Variants in KCNK17 observed in about 807,000 individuals in gnomAD.
KCNK17 encodes the protein potassium channel subfamily K member 17.
KCNK17 carries 27 observed loss-of-function variants against 24.6 expected under a neutral mutation model. The observed-to-expected ratio is 1.10, with a 90% CI of 0.81 to 1.51. The LOEUF is 1.51. Among genes scored for constraint, KCNK17 ranks in the 40% most tolerant of loss-of-function variants. The pLI, the probability that KCNK17 is intolerant of heterozygous loss-of-function variation, is 0.00. For missense variants in KCNK17, 450 were observed against 436.6 expected (o/e 1.03, Z -0.27); for synonymous variants, 181 against 189.8 (o/e 0.95, Z 0.38).
chr6:39,305,450 G>A (rs1260747361), intron 2 of KCNK17, among the ~76,000 whole-genome samples: 1 of 152,120 alleles, frequency 6.6e-6, no homozygotes, highest in African/African-American at 2.4e-5. Context: ...TGGGAGGGAG[G>A]GACAGACAGT....
In KCNK17 at chr6:39,310,944, A is replaced by C. The variant is rs1392584872; in HGVS notation, c.301T>G (p.Trp101Gly). 1 of 1,574,278 alleles carries C rather than the reference A, an allele frequency of 6.4e-7. No homozygotes were observed. The highest frequency in any genetic ancestry group is 8.7e-7 in the Non-Finnish European group (1 of 1,156,010). The change falls in exon 2 of 5, where the codon TGG becomes GGG. Residue 101 changes from tryptophan (W) to glycine (G), a missense_variant. By Grantham distance (184) the Trp-to-Gly change is radical. Transcript: ENST00000373231. ...LLSNTTSMGR[W>G]ELVGSFFFSV... ...AAGAAGAAGGAGCCCACGAGCTCCC[A>C]GCGCCCCATGCTGGTGGTGTTGCTG...
intron 4 of KCNK17, among the ~76,000 whole-genome samples, chr6:39,300,798 C>A (rs2815071): frequency 0.82 from 124,843 of 152,020 alleles, 51,642 homozygotes; most frequent in African/African-American, 0.91. Flanking sequence ...GGCCTCTCGG[C>A]TCCAAATGCT....
rs2113845101 is a variant in KCNK17, at chr6:39,314,402, C to T, written c.-82G>A. ...GAAGGGCCAGGCGTCCAGCTCGTAT[C>T]TCCTCTCGCAAACGCCTGCTGGTGC... is the stretch of plus-strand genomic sequence containing the variant. On this transcript the variant is annotated 5_prime_UTR_variant, in exon 1 of 5. Coordinates refer to ENST00000373231, the MANE Select transcript of KCNK17 (RefSeq NM_031460.4). 1.9e-6 allele frequency: 2 copies of T among 1,041,982 alleles called. No individual in the cohort carries two copies. The highest frequency in any genetic ancestry group is 2.6e-6 in the Non-Finnish European group (2 of 762,442). The allele number at this position is 1,041,982 out of a possible 1,614,324, so 64.5% of individuals were successfully genotyped here.
rs183224501 is a variant in KCNK17 at position 39,306,751 on chromosome 6, G to A, written c.353-2096C>T. 1.1e-3 allele frequency among the ~76,000 whole-genome samples: 161 copies of A among 149,434 alleles called. 1 individual carries two copies. Among genetic ancestry groups the A allele is most frequent in the Admixed American group, 8.9e-3 (133 of 14,950 alleles). On this transcript the variant is annotated intron_variant, in intron 2 of 4. Transcript: ENST00000373231. ...CTGTGGGACCTTGGGCAAGTGGCTC[G>A]ATCTTTCTTTCTTTGTTTTTTTTTT...
At chr6:39,304,200 G>A in intron 3 of KCNK17, 69 bp from the exon 4 acceptor site, 1 of 1,482,688 alleles carries the variant, frequency 6.7e-7, no homozygotes, top group Non-Finnish European at 9.1e-7. Context: ...GAGGGAGCTG[G>A]AGGCAGGCCA....
rs57240761 is a variant in KCNK17, at chr6:39,302,116, G to A, written c.688+1841C>T. On this transcript the variant is annotated intron_variant, in intron 4 of 4. Transcript: ENST00000373231. ...TGAAGCAGTTGGGGCTCTTATTGTGGTGACCTGCTACGAGGCACTGCCATG... is the reference window on the plus strand; with the variant it reads ...TGAAGCAGTTGGGGCTCTTATTGTGATGACCTGCTACGAGGCACTGCCATG... Among the ~76,000 whole-genome samples the A allele has an allele frequency of 3.8e-4, 58 of 152,306 alleles. No homozygotes were observed. In the East Asian group the frequency reaches 0.011, roughly 28 times the overall value.
At position 39,299,454 on chromosome 6, in the gene KCNK17, G is replaced by GT. The variant is rs1761910812; in HGVS notation, c.971dup (p.His324GlnfsTer53). 4.3e-6 allele frequency: 7 copies of GT among 1,613,602 alleles called. No homozygotes were observed. The highest frequency in any genetic ancestry group is 5.9e-6 in the Non-Finnish European group (7 of 1,179,642). On this transcript the variant is annotated frameshift_variant, in exon 5 of 5. Transcript: ENST00000373231. LOFTEE classifies it high-confidence loss of function. ...AGCTGTCCTTGCCACAGCCTGCAGC[G>GT]TGAGCAGAAGGTTCCAGATGCTGTA...
At chr6:39,309,929 G>C (rs913611882) in intron 2 of KCNK17, among the ~76,000 whole-genome samples, 2 of 152,196 alleles carry the variant, frequency 1.3e-5, no homozygotes, top group African/African-American at 4.8e-5. Context: ...GATTGCCCAA[G>C]CTCCCATGTA....
chr6:39,314,409 C>T lies in KCNK17; in HGVS notation c.-89G>A, dbSNP rs146171979. On this transcript the variant is annotated 5_prime_UTR_variant, in exon 1 of 5. Coordinates refer to ENST00000373231, the MANE Select transcript of KCNK17 (RefSeq NM_031460.4). ...CAGGCGTCCAGCTCGTATCTCCTCTCGCAAACGCCTGCTGGTGCCCGGTTT... is the reference window on the plus strand; with the variant it reads ...CAGGCGTCCAGCTCGTATCTCCTCTTGCAAACGCCTGCTGGTGCCCGGTTT... 2.4e-4 allele frequency: 232 copies of T among 953,396 alleles called. 3 individuals carry two copies. In the African/African-American group the frequency reaches 3.7e-3, roughly 15 times the overall value. 59.1% of individuals were successfully genotyped at this position (953,396 alleles called of 1,614,324 possible). A position where few individuals can be genotyped will look rare whatever the true frequency, so the allele number is the denominator to read the frequency against.
At chr6:39,313,196 G>T (rs1332333586) in intron 1 of KCNK17, among the ~76,000 whole-genome samples, 1 of 152,218 alleles carries the variant, frequency 6.6e-6, no homozygotes, top group Non-Finnish European at 1.5e-5. Context: ...CGTCGCTTCA[G>T]TCCTAAGATG....
chr6:39,303,655 G>A (rs1467302399), intron 4 of KCNK17, among the ~76,000 whole-genome samples: 1 of 152,170 alleles, frequency 6.6e-6, no homozygotes, highest in Non-Finnish European at 1.5e-5. Flanking sequence ...GTGAAGTGGG[G>A]AAGGGAGACC....
intron 2 of KCNK17, among the ~76,000 whole-genome samples, chr6:39,310,211 G>A (rs190158537): frequency 2.0e-4 from 30 of 152,268 alleles, no homozygotes; most frequent in African/African-American, 6.7e-4. Flanking sequence ...AGAACTGCAG[G>A]GATCTAGCCT....
At position 39,304,599 on chromosome 6, in the gene KCNK17, C is replaced by A. The variant is rs1762004702; in HGVS notation, c.409G>T (p.Ala137Ser). 6.2e-7 allele frequency: 1 copy of A among 1,613,916 alleles called. No individual in the cohort carries two copies. The highest frequency in any genetic ancestry group is 8.5e-7 in the Non-Finnish European group (1 of 1,179,940). ...MAARLFCIFF[A>S]LVGIPLNLVV... ...AGGTTGAGTGGGATCCCCACAAGGG[C>A]AAAGAAGATGCAGAAGAGGCGGGCA... Residue 137 changes from alanine to serine, a missense_variant, in exon 3 of 5, where the codon GCC becomes TCC. Transcript: ENST00000373231.
In KCNK17 at chr6:39,310,963, G is replaced by T; in HGVS notation, c.282C>A (p.Asn94Lys). Residue 94 changes from asparagine to lysine, a missense_variant, in exon 2 of 5, where the codon AAC becomes AAA. Transcript: ENST00000373231. ...AYKNGASLLS[N>K]TTSMGRWELV... ...GCTCCCAGCGCCCCATGCTGGTGGT[G>T]TTGCTGAGGAGGCTGGCTCCGTTTT... The T allele has an allele frequency of 3.1e-6, 5 of 1,609,768 alleles. No homozygotes were observed. Among genetic ancestry groups the T allele is most frequent in the Non-Finnish European group, 4.2e-6 (5 of 1,176,814 alleles).
chr6:39,300,405 T>C (rs2113833561), intron 4 of KCNK17: 1 of 1,314,772 alleles, frequency 7.6e-7, no homozygotes, highest in Admixed American at 2.0e-5. Flanking sequence ...ATTACAGGTG[T>C]GAGCCACCGT....
At chr6:39,313,835 G>A (rs866975957) in intron 1 of KCNK17, among the ~76,000 whole-genome samples, 2 of 152,140 alleles carry the variant, frequency 1.3e-5, no homozygotes, top group Non-Finnish European at 2.9e-5. Context: ...TCGCCCCCAA[G>A]TAGGACTCAG....
intron 4 of KCNK17, among the ~76,000 whole-genome samples, chr6:39,300,686 C>T (rs757510903): frequency 1.3e-5 from 2 of 152,202 alleles, no homozygotes; most frequent in African/African-American, 4.8e-5. Context: ...GCCCTCTGCC[C>T]GCTTCTGCAG....
At position 39,314,077 on chromosome 6, in the gene KCNK17, C is replaced by T; in HGVS notation, c.237+7G>A. ...CCGCGCCCAGGCCGACGCCGCTCGC[C>T]CCTGACCCGGATCAGCGAGTCCAGC... On this transcript the variant is annotated splice_region_variant and intron_variant, in intron 1 of 4. Transcript: ENST00000373231. The T allele has an allele frequency of 6.4e-7, 1 of 1,573,716 alleles. No individual in the cohort carries two copies.
intron 2 of KCNK17, 138 bp from the exon 3 acceptor site, chr6:39,304,793 G>T: frequency 1.1e-6 from 1 of 900,350 alleles, no homozygotes; most frequent in African/African-American, 1.7e-5. Flanking sequence ...ACTTACCAAG[G>T]CCCTCCTTTT....
Sources: gnomAD v4.1 joint callset for allele counts (sites outside exome capture counted in the v4.1 genomes callset) on GRCh38, gnomAD v4.1.1 for gene constraint, MANE v1.5 for transcripts, NCBI Gene and HGNC (gene_info 2026-07-23, HGNC 2026-07-21) for gene names.